Variants in RBFOX1 observed in about 807,000 individuals in gnomAD.
The protein encoded by RBFOX1 is RNA binding protein fox-1 homolog 1.
A neutral mutation model predicts 57.7 loss-of-function variants in RBFOX1; 8 were observed. That is an observed-to-expected ratio of 0.14 (90% CI 0.08 to 0.25). The LOEUF (loss-of-function observed/expected upper bound fraction) is 0.25, where lower values mean the gene tolerates loss of function less well. Among genes scored for constraint, RBFOX1 ranks in the 10% least tolerant of loss-of-function variants. The pLI, the probability that RBFOX1 is intolerant of heterozygous loss-of-function variation, is 1.00. For missense variants in RBFOX1, 611 were observed against 548.5 expected, an observed-to-expected ratio of 1.11 and a Z score of -1.14; for synonymous variants, 326 against 222.4, an observed-to-expected ratio of 1.47 and a Z score of -4.15.
intron 4 of RBFOX1, among the ~76,000 whole-genome samples, chr16:7,097,838 T>A (rs2061964125): frequency 6.6e-6 from 1 of 152,156 alleles, no homozygotes; most frequent in Non-Finnish European, 1.5e-5. Context: ...AATTTTGAGG[T>A]TTCCTGCTGA....
intron 3 of RBFOX1, among the ~76,000 whole-genome samples, chr16:6,880,923 A>C (rs1684630622): frequency 6.6e-6 from 1 of 152,204 alleles, no homozygotes; most frequent in South Asian, 2.1e-4. Flanking sequence ...GAGTGACAAA[A>C]AGATGTAAAT....
intron 1 of RBFOX1, among the ~76,000 whole-genome samples, chr16:6,055,619 G>A (rs1319543294): frequency 4.3e-5 from 6 of 140,162 alleles, no homozygotes; most frequent in African/African-American, 1.3e-4. Context: ...AAAAAAGGAC[G>A]ACGAATTGGA....
At chr16:6,667,401 G>A (rs529968662) in intron 3 of RBFOX1, among the ~76,000 whole-genome samples, 2 of 152,092 alleles carry the variant, frequency 1.3e-5, no homozygotes, top group South Asian at 4.1e-4. Context: ...CTTCAGCTTA[G>A]GATTCTAAAA....
chr16:6,907,919 A>G (rs1232590652), intron 3 of RBFOX1, among the ~76,000 whole-genome samples: 1 of 151,492 alleles, frequency 6.6e-6, no homozygotes, highest in Non-Finnish European at 1.5e-5. Flanking sequence ...TTGCTTGTAG[A>G]TATGTCACCT....
chr16:7,581,725 T>C (rs1285347250), intron 6 of RBFOX1, among the ~76,000 whole-genome samples: 1 of 152,072 alleles, frequency 6.6e-6, no homozygotes, highest in East Asian at 1.9e-4. Context: ...TCAGGGCTCT[T>C]GTTTTTAAAA....
In RBFOX1 at chr16:6,249,422, G is replaced by C. The variant is rs148248478; in HGVS notation, c.-126-67573G>C. ...TGCCTGTAATCCCAGCTACTCGGGA[G>C]ACTGAGGCAGAGAATAGCTTGAACC... On this transcript the variant is annotated intron_variant, in intron 1 of 15. Transcript: ENST00000550418. Among the ~76,000 whole-genome samples the C allele has an allele frequency of 6.1e-3, 927 of 152,310 alleles. 2 individuals are homozygous for C. The highest frequency in any genetic ancestry group is 0.014 in the Middle Eastern group (4 of 294).
At chr16:6,143,511 C>T (rs1344801996) in intron 1 of RBFOX1, among the ~76,000 whole-genome samples, 1 of 152,186 alleles carries the variant, frequency 6.6e-6, no homozygotes, top group Non-Finnish European at 1.5e-5. Flanking sequence ...TATAGACTTG[C>T]TGTTCTTCCC....
intron 14 of RBFOX1, among the ~76,000 whole-genome samples, chr16:7,697,745 G>A (rs774925565): frequency 2.6e-5 from 4 of 152,048 alleles, no homozygotes; most frequent in Admixed American, 2.0e-4. Context: ...CTTCACCCTT[G>A]GAACTTTGGC....
chr16:6,709,339 T>C (rs1011409132), intron 3 of RBFOX1, among the ~76,000 whole-genome samples: 1 of 152,170 alleles, frequency 6.6e-6, no homozygotes, highest in African/African-American at 2.4e-5. Context: ...TTAAAGGGTT[T>C]CATTTTGCTC....
chr16:6,973,034 G>A (rs28620833), intron 3 of RBFOX1, among the ~76,000 whole-genome samples: 1 of 152,156 alleles, frequency 6.6e-6, no homozygotes, highest in East Asian at 1.9e-4. Context: ...GGGAGGCTGA[G>A]GAAGTAGAAT....
chr16:6,652,759 G>A (rs1431493972), intron 2 of RBFOX1, among the ~76,000 whole-genome samples: 2 of 152,090 alleles, frequency 1.3e-5, no homozygotes, highest in Non-Finnish European at 2.9e-5. Context: ...CAGGGGCTCT[G>A]GGAGGGGAAG....
intron 3 of RBFOX1, among the ~76,000 whole-genome samples, chr16:7,029,697 G>T (rs770367445): frequency 2.0e-5 from 3 of 152,074 alleles, no homozygotes; most frequent in Non-Finnish European, 4.4e-5. Flanking sequence ...GAAGCTGGGA[G>T]ACTCTATAAT....
intron 2 of RBFOX1, among the ~76,000 whole-genome samples, chr16:5,515,264 G>A (rs1031656807): frequency 6.6e-6 from 1 of 152,234 alleles, no homozygotes; most frequent in African/African-American, 2.4e-5. Flanking sequence ...CAAGTGGTCT[G>A]GGTAGAGTGG....
intron 1 of RBFOX1, among the ~76,000 whole-genome samples, chr16:5,319,241 G>T (rs991028394): frequency 6.6e-6 from 1 of 152,218 alleles, no homozygotes; most frequent in Non-Finnish European, 1.5e-5. Flanking sequence ...GTGATGGAGA[G>T]GGCCATGTGG....
chr16:7,052,120 A>G, intron 4 of RBFOX1, 22 bp downstream of exon 4: 2 of 1,589,170 alleles, frequency 1.3e-6, no homozygotes, highest in South Asian at 2.3e-5. Flanking sequence ...TGCTTGTAAA[A>G]TGCTTCCTGA....
chr16:5,654,945 TC>T (rs561687197), intron 3 of RBFOX1, among the ~76,000 whole-genome samples: 2 of 151,938 alleles, frequency 1.3e-5, no homozygotes, highest in Non-Finnish European at 2.9e-5. Context: ...CCAGGACAGC[TC>T]CCCCCCAGCA....
chr16:7,070,757 A>G (rs574705157), intron 4 of RBFOX1, among the ~76,000 whole-genome samples: 1 of 152,196 alleles, frequency 6.6e-6, no homozygotes, highest in Non-Finnish European at 1.5e-5. Context: ...AACTGGCCTT[A>G]AACTGAAGAA....
intron 4 of RBFOX1, among the ~76,000 whole-genome samples, chr16:7,236,179 C>G (rs1393916944): frequency 3.0e-4 from 46 of 152,158 alleles, no homozygotes; most frequent in Admixed American, 3.0e-3. Flanking sequence ...TTAATCTTCT[C>G]ATATTTAATA....
At chr16:5,776,765 G>A (rs1219938683) in intron 3 of RBFOX1, among the ~76,000 whole-genome samples, 2 of 152,130 alleles carry the variant, frequency 1.3e-5, no homozygotes. Context: ...TTGTCCTTAT[G>A]CAAATATCTA....
Sources: gnomAD v4.1 joint callset for allele counts (sites outside exome capture counted in the v4.1 genomes callset) on GRCh38, gnomAD v4.1.1 for gene constraint, MANE v1.5 for transcripts, NCBI Gene and HGNC (gene_info 2026-07-23, HGNC 2026-07-21) for gene names.